WHR1: variants seen among roughly 807,000 people sequenced by gnomAD.
WHR1 encodes MHC class III HLA-RP1.
chr6:31,973,178 G>A, the WHR1 span: 3 of 397,510 alleles, frequency 7.5e-6, no homozygotes, highest in Non-Finnish European at 1.5e-5. Context: ...TCTGAGAAGT[G>A]GTGAAGGCCT....
At chr6:31,978,624 C>T in the WHR1 span, among the ~76,000 whole-genome samples, 1 of 152,134 alleles carries the variant, frequency 6.6e-6, no homozygotes, top group Non-Finnish European at 1.5e-5. Flanking sequence ...GAAGCCACAG[C>T]CTGCATCTTA....
the WHR1 span, chr6:31,980,381 T>G: frequency 7.3e-7 from 1 of 1,378,724 alleles, no homozygotes; most frequent in Non-Finnish European, 9.9e-7. Flanking sequence ...GTGTAAACAT[T>G]AATGGATGAG....
chr6:31,973,199 A>C, the WHR1 span: 1 of 372,092 alleles, frequency 2.7e-6, no homozygotes, highest in Non-Finnish European at 5.2e-6. Flanking sequence ...AAATTAGGTC[A>C]GTGCAGTAGG....
chr6:31,971,346 G>A, the WHR1 span: 68 of 1,547,278 alleles, frequency 4.4e-5, no homozygotes, highest in Non-Finnish European at 5.8e-5. This position sits in a 1 kb window ranked among gnomAD's most constrained non-coding sequence, Gnocchi z 4.5. Flanking sequence ...GGTGTTCCAG[G>A]AGCCAGCACA....
the WHR1 span, chr6:31,971,332 C>A: frequency 1.9e-6 from 3 of 1,542,490 alleles, no homozygotes; most frequent in Non-Finnish European, 2.6e-6. The surrounding 1 kb of genome is among the most constrained non-coding windows in gnomAD (Gnocchi z 4.5). Context: ...CTCCAACCGG[C>A]CTCGGTGTTC....
chr6:31,979,399 C>T, the WHR1 span: 2 of 1,612,732 alleles, frequency 1.2e-6, no homozygotes, highest in Non-Finnish European at 1.7e-6. Flanking sequence ...CCATGTCTCT[C>T]ATCTCTGCTT....
chr6:31,975,900 G>A, the WHR1 span, among the ~76,000 whole-genome samples: 1 of 150,516 alleles, frequency 6.6e-6, no homozygotes, highest in Non-Finnish European at 1.5e-5. Flanking sequence ...CGGCTGGCCG[G>A]GCGGGGGGCT....
At chr6:31,971,295 AT>A in the WHR1 span, 1 of 1,536,954 alleles carries the variant, frequency 6.5e-7, no homozygotes, top group East Asian at 2.3e-5. This position sits in a 1 kb window ranked among gnomAD's most constrained non-coding sequence, Gnocchi z 4.5. Flanking sequence ...GTCTCCAGAT[AT>A]ACTGCCTACC....
the WHR1 span, among the ~76,000 whole-genome samples, chr6:31,973,928 A>G: frequency 0.012 from 1,862 of 152,244 alleles, 12 homozygotes; most frequent in African/African-American, 0.019. Flanking sequence ...ATCCACTGAC[A>G]TAAAGGGAAA....
the WHR1 span, chr6:31,971,412 G>A: frequency 1.3e-5 from 21 of 1,606,252 alleles, no homozygotes; most frequent in East Asian, 4.5e-5. The surrounding 1 kb of genome is among the most constrained non-coding windows in gnomAD (Gnocchi z 4.5). Flanking sequence ...ATCGATCCGG[G>A]TATCCGTCTC....
At chr6:31,976,863 G>A in the WHR1 span, among the ~76,000 whole-genome samples, 2 of 152,350 alleles carry the variant, frequency 1.3e-5, no homozygotes, top group South Asian at 4.1e-4. Context: ...CCAACACAGC[G>A]AAACCCCGTC....
At chr6:31,972,841 A>C in the WHR1 span, 1 of 1,587,912 alleles carries the variant, frequency 6.3e-7, no homozygotes, top group East Asian at 2.3e-5. This position sits in a 1 kb window ranked among gnomAD's most constrained non-coding sequence, Gnocchi z 6.3. Flanking sequence ...CCAGCCGTTC[A>C]GCAAGCATTA....
At chr6:31,976,900 C>T in the WHR1 span, among the ~76,000 whole-genome samples, 1 of 152,246 alleles carries the variant, frequency 6.6e-6, no homozygotes, top group African/African-American at 2.4e-5. Context: ...GAAAACCAGT[C>T]AGGCGTGGCG....
chr6:31,979,484 C>G, the WHR1 span: 6 of 1,612,900 alleles, frequency 3.7e-6, no homozygotes, highest in East Asian at 2.2e-5. Context: ...GTACTTCCAG[C>G]CTGTGGGGAC....
the WHR1 span, among the ~76,000 whole-genome samples, chr6:31,976,006 C>A: frequency 1.3e-5 from 2 of 149,936 alleles, no homozygotes; most frequent in Admixed American, 6.6e-5. Context: ...CCCCTCACCT[C>A]CCGGACGAGG....
At chr6:31,981,089 G>A in the WHR1 span, 6 of 426,892 alleles carry the variant, frequency 1.4e-5, no homozygotes, top group Admixed American at 1.0e-4. Context: ...AGAGTGGGCC[G>A]GGAGGGGACT....
chr6:31,975,984 CG>C, the WHR1 span, among the ~76,000 whole-genome samples: 21 of 139,708 alleles, frequency 1.5e-4, no homozygotes, highest in African/African-American at 5.4e-4. Context: ...TAGGGGCGGC[CG>C]GGCAGAGGCG....
the WHR1 span, chr6:31,979,115 G>A: frequency 9.5e-7 from 1 of 1,050,938 alleles, no homozygotes; most frequent in Non-Finnish European, 1.4e-6. Context: ...CACATCCCAT[G>A]GAGAGGGCAC....
At chr6:31,978,936 G>C in the WHR1 span, 4 of 1,612,608 alleles carry the variant, frequency 2.5e-6, no homozygotes, top group Non-Finnish European at 3.4e-6. Flanking sequence ...GATCAGAATC[G>C]TCCAGCTGGG....
Sources: gnomAD v4.1 joint callset for allele counts (sites outside exome capture counted in the v4.1 genomes callset) on GRCh38, gnomAD v4.1.1 for gene constraint, Gnocchi (gnomAD v3.1) non-coding constraint, MANE v1.5 for transcripts, NCBI Gene and HGNC (gene_info 2026-07-23, HGNC 2026-07-21) for gene names.